The following ZDHHC21 variants were observed in gnomAD, a reference collection of about 807,000 sequenced individuals.
ZDHHC21 encodes the protein zDHHC palmitoyltransferase 21.
In ZDHHC21, 15 loss-of-function variants were observed where a neutral mutation model predicts 34.6. The ratio of observed to expected loss-of-function variants is 0.43; its 90% CI spans 0.29 to 0.67. ZDHHC21 has a LOEUF of 0.67. ZDHHC21 is among the 30% of genes least tolerant of loss of function. The pLI, the probability that ZDHHC21 is intolerant of heterozygous loss-of-function variation, is 0.14. For missense variants in ZDHHC21, 344 were observed against 327.7 expected (o/e 1.05, Z -0.38); for synonymous variants, 142 against 101.8 (o/e 1.40, Z -2.38).
intron 5 of ZDHHC21, among the ~76,000 whole-genome samples, chr9:14,664,747 T>G (rs1430660618): frequency 2.0e-5 from 3 of 151,846 alleles, no homozygotes; most frequent in African/African-American, 7.3e-5. Flanking sequence ...CACTGACATC[T>G]CACACAGCAG....
intron 5 of ZDHHC21, among the ~76,000 whole-genome samples, chr9:14,665,642 C>T (rs1457837862): frequency 2.4e-3 from 334 of 140,468 alleles, no homozygotes; most frequent in African/African-American, 7.6e-3. Context: ...AGACTAACAG[C>T]GGATCTCTCG....
the ZDHHC21 span, among the ~76,000 whole-genome samples, chr9:14,598,029 C>T: frequency 6.6e-6 from 1 of 152,120 alleles, no homozygotes; most frequent in African/African-American, 2.4e-5. Context: ...TGGCCTACCA[C>T]CACTACTGGC....
chr9:14,622,915 T>C (rs997610800), intron 8 of ZDHHC21, among the ~76,000 whole-genome samples: 1 of 152,036 alleles, frequency 6.6e-6, no homozygotes, highest in African/African-American at 2.4e-5. Flanking sequence ...GCATTCTTTA[T>C]TATTATAGGT....
At chr9:14,602,967 A>T in the ZDHHC21 span, among the ~76,000 whole-genome samples, 1 of 148,532 alleles carries the variant, frequency 6.7e-6, no homozygotes, top group African/African-American at 2.5e-5. Context: ...GGAGAATTTC[A>T]TTCATGCGAA....
At chr9:14,674,444 T>A in intron 3 of ZDHHC21, 59 bp from the exon 4 acceptor site, 1 of 1,093,858 alleles carries the variant, frequency 9.1e-7, no homozygotes. Context: ...CTAAAACCTG[T>A]ATTTCTGGCA....
chr9:14,630,469 C>T (rs1306759517), intron 8 of ZDHHC21, among the ~76,000 whole-genome samples: 1 of 152,164 alleles, frequency 6.6e-6, no homozygotes, highest in Non-Finnish European at 1.5e-5. Context: ...CAAAGTTAAC[C>T]ATGAAGTTTA....
chr9:14,607,636 A>G (rs189101623), downstream of ZDHHC21, among the ~76,000 whole-genome samples: 1 of 152,020 alleles, frequency 6.6e-6, no homozygotes, highest in Admixed American at 6.6e-5. Flanking sequence ...GCGGGGGGGA[A>G]GTAAGGACAA....
intron 8 of ZDHHC21, chr9:14,622,835 T>C (rs1586899508): frequency 4.9e-6 from 3 of 609,716 alleles, no homozygotes; most frequent in East Asian, 2.8e-4. Context: ...ACTGCAGACC[T>C]GAGGAAAGTA....
At chr9:14,606,478 A>G (rs1010929770), downstream of ZDHHC21, among the ~76,000 whole-genome samples, 1 of 152,180 alleles carries the variant, frequency 6.6e-6, no homozygotes, top group Non-Finnish European at 1.5e-5. Flanking sequence ...TATGCGAGTA[A>G]ACGAGGCTTC....
rs1047605080 is a variant in ZDHHC21, at chr9:14,666,399, G to A, written c.254-4073C>T. Among the ~76,000 whole-genome samples, 37 of 117,168 alleles carry A rather than the reference G, an allele frequency of 3.2e-4. 4 individuals are homozygous for A. The Middle Eastern group carries it at 0.012, about 39-fold the overall frequency. 76.9% of individuals were successfully genotyped at this position (117,168 alleles called of 152,430 possible). A position where few individuals can be genotyped will look rare whatever the true frequency, so the allele number is the denominator to read the frequency against. On this transcript the variant is annotated intron_variant, in intron 5 of 9. Transcript: ENST00000380916. Reference sequence around the variant, plus strand: ...ACTTAGACTCCCACACATTAATAATGGGAGACTTTAACACCCCACTGTCAA... The same window carrying A: ...ACTTAGACTCCCACACATTAATAATAGGAGACTTTAACACCCCACTGTCAA...
chr9:14,619,351 G>A (rs1052915910), intron 9 of ZDHHC21, among the ~76,000 whole-genome samples: 1 of 152,148 alleles, frequency 6.6e-6, no homozygotes. Context: ...AACAGAATGT[G>A]TGTCAACAAC....
intron 8 of ZDHHC21, among the ~76,000 whole-genome samples, chr9:14,637,706 A>G (rs10810197): frequency 0.085 from 12,990 of 152,094 alleles, 729 homozygotes; most frequent in East Asian, 0.13. Flanking sequence ...ATCAGCATAC[A>G]AAAATCAGTA....
chr9:14,607,582 T>A (rs1410152362), downstream of ZDHHC21, among the ~76,000 whole-genome samples: 1 of 151,850 alleles, frequency 6.6e-6, no homozygotes, highest in East Asian at 1.9e-4. Context: ...AACGGCAATT[T>A]TTTCCATTTT....
At chr9:14,622,435 A>G in intron 8 of ZDHHC21, 1 of 719,210 alleles carries the variant, frequency 1.4e-6, no homozygotes, top group South Asian at 6.4e-5. Context: ...CCTAAGAGAA[A>G]AGGAGAAAGA....
the ZDHHC21 span, among the ~76,000 whole-genome samples, chr9:14,590,565 T>C: frequency 6.6e-6 from 1 of 151,954 alleles, no homozygotes; most frequent in Non-Finnish European, 1.5e-5. Flanking sequence ...CCAGAAAATA[T>C]AAATACCAGA....
intron 8 of ZDHHC21, among the ~76,000 whole-genome samples, chr9:14,638,089 A>G (rs1828625463): frequency 6.6e-6 from 1 of 152,156 alleles, no homozygotes; most frequent in Non-Finnish European, 1.5e-5. Context: ...AAAAAGGACA[A>G]TGCTGGAGGC....
chr9:14,640,307 GGAAAAA>G (rs1364256790), intron 7 of ZDHHC21, among the ~76,000 whole-genome samples: 19 of 125,708 alleles, frequency 1.5e-4, no homozygotes, highest in South Asian at 8.1e-4. Context: ...CCTATTTTGG[GGAAAAA>G]AAAAAAAAAA....
chr9:14,599,177 C>T, the ZDHHC21 span, among the ~76,000 whole-genome samples: 147 of 152,284 alleles, frequency 9.7e-4, 2 homozygotes, highest in African/African-American at 3.5e-3. Context: ...ATAGGAACAG[C>T]TTTGGTCTGC....
At chr9:14,605,979 T>TA in the ZDHHC21 span, among the ~76,000 whole-genome samples, 16 of 152,196 alleles carry the variant, frequency 1.1e-4, no homozygotes, top group Middle Eastern at 0.01. Flanking sequence ...GCATAATAGT[T>TA]AAAAAAACAA....
Sources: allele counts gnomAD v4.1 joint callset (sites outside exome capture counted in the v4.1 genomes callset), GRCh38; gene constraint gnomAD v4.1.1; transcripts MANE v1.5; gene names NCBI Gene and HGNC (gene_info 2026-07-23, HGNC 2026-07-21).